ITSN2: variants seen among roughly 807,000 people sequenced by gnomAD.
The protein encoded by ITSN2 is intersectin-2.
ITSN2 carries 156 observed loss-of-function variants against 243.7 expected under a neutral mutation model. The ratio of observed to expected loss-of-function variants is 0.64; its 90% confidence interval spans 0.56 to 0.73. The LOEUF (loss-of-function observed/expected upper bound fraction) is 0.73. ITSN2 is among the 30% of genes least tolerant of loss of function. The probability of loss-of-function intolerance (pLI) is 0.00; values close to 1 mark genes in which losing one functional copy is unlikely to be tolerated. For missense variants in ITSN2, 1,801 were observed against 1,996.1 expected, an observed-to-expected ratio of 0.90 and a Z score of 1.86; for synonymous variants, 703 against 699.9, an observed-to-expected ratio of 1.00 and a Z score of -0.07.
rs552413775 is a variant in ITSN2 at position 24,328,606 on chromosome 2, G to A, written c.-33-491C>T. Among the ~76,000 whole-genome samples the A allele has an allele frequency of 7.9e-5, 12 of 152,162 alleles. 1 individual carries two copies. In the South Asian group the frequency reaches 2.5e-3, roughly 32 times the overall value. On this transcript the variant is annotated intron_variant, in intron 1 of 39. Coordinates refer to ENST00000355123, the MANE Select transcript of ITSN2 (RefSeq NM_006277.3). ...GCCACCTGAGTAGCTGGGACTACAG[G>A]AATGCTCCACCACACCTGGCTAATT...
intron 23 of ITSN2, 80 bp from the exon 24 acceptor site, chr2:24,254,511 GT>G: frequency 9.2e-7 from 1 of 1,081,644 alleles, no homozygotes; most frequent in Non-Finnish European, 1.4e-6. Flanking sequence ...TGCACAGCAG[GT>G]TTTAGTAGTG....
At chr2:24,240,512 T>C (rs1482401133) in intron 29 of ITSN2, 1 of 152,198 alleles carries the variant, frequency 6.6e-6, no homozygotes, top group Non-Finnish European at 1.5e-5. Flanking sequence ...GTGATGTATT[T>C]TGGAACACAG....
At chr2:24,269,869 G>C (rs548258026) in intron 20 of ITSN2, among the ~76,000 whole-genome samples, 2 of 152,316 alleles carry the variant, frequency 1.3e-5, no homozygotes, top group South Asian at 4.1e-4. Context: ...AGCAGACAGT[G>C]GACTTGGGCT....
intron 8 of ITSN2, among the ~76,000 whole-genome samples, chr2:24,305,340 G>A (rs1468924880): frequency 1.3e-5 from 2 of 152,108 alleles, no homozygotes; most frequent in African/African-American, 4.8e-5. Context: ...GGTAGCTCAC[G>A]TCTGTAATCC....
upstream of ITSN2, among the ~76,000 whole-genome samples, chr2:24,360,954 T>G (rs1228610948): frequency 6.6e-6 from 1 of 152,162 alleles, no homozygotes; most frequent in Non-Finnish European, 1.5e-5. Context: ...TCTCCACTGA[T>G]CTGGGGGAAC....
At chr2:24,345,266 T>C (rs1375526912) in intron 1 of ITSN2, among the ~76,000 whole-genome samples, 2 of 152,298 alleles carry the variant, frequency 1.3e-5, no homozygotes, top group East Asian at 3.9e-4. Context: ...TTTTCCCCTA[T>C]GTTTTTATTT....
intron 29 of ITSN2, among the ~76,000 whole-genome samples, chr2:24,233,587 T>C (rs989459741): frequency 3.3e-5 from 5 of 152,136 alleles, no homozygotes; most frequent in African/African-American, 1.2e-4. Context: ...TGGACTTGAG[T>C]TCCAACTCTA....
intron 17 of ITSN2, among the ~76,000 whole-genome samples, chr2:24,276,327 C>T (rs1481011526): frequency 2.6e-5 from 4 of 152,092 alleles, no homozygotes; most frequent in Non-Finnish European, 4.4e-5. Flanking sequence ...AAGATGTCTG[C>T]CTAAAATCAT....
In ITSN2 at chr2:24,205,735, G is replaced by C. The variant is rs188708516; in HGVS notation, c.4679-438C>G. 16 of 177,072 alleles carry C rather than the reference G, an allele frequency of 9.0e-5. No homozygotes were observed. The East Asian group carries it at 2.2e-3, about 24-fold the overall frequency. The allele number at this position is 177,072 out of a possible 1,614,324, so 11.0% of individuals were successfully genotyped here. On this transcript the variant is annotated intron_variant, in intron 37 of 39. Transcript: ENST00000355123. ...TAACCCCTCAATTGCCTAGCAAATAGTAATATTAATAAAATAATACATGGT... is the reference window on the plus strand; with the variant it reads ...TAACCCCTCAATTGCCTAGCAAATACTAATATTAATAAAATAATACATGGT...
Position 24,204,421 on chromosome 2 carries a change from G to T in ITSN2, c.4763-3C>A. On this transcript the variant is annotated splice_region_variant and splice_polypyrimidine_tract_variant and intron_variant, in intron 38 of 39. Coordinates refer to ENST00000355123, the MANE Select transcript of ITSN2 (RefSeq NM_006277.3). The surrounding 1 kb of genome is among the most constrained non-coding windows in gnomAD (Gnocchi z 5.1). Reference sequence around the variant, plus strand: ...TTCACAGTATGGGTTGCTCTTTCCTGAACAAAAACAAACCACAGACACATG... The same window carrying T: ...TTCACAGTATGGGTTGCTCTTTCCTTAACAAAAACAAACCACAGACACATG... The T allele has an allele frequency of 6.2e-7, 1 of 1,614,030 alleles. No individual in the cohort carries two copies. Among genetic ancestry groups the T allele is most frequent in the African/African-American group, 1.3e-5 (1 of 75,024 alleles).
intron 29 of ITSN2, 81 bp from the exon 30 acceptor site, chr2:24,221,147 G>A: frequency 7.0e-7 from 1 of 1,425,022 alleles, no homozygotes; most frequent in African/African-American, 1.5e-5. Context: ...GATGTGCTGG[G>A]TTTACAAATG....
chr2:24,309,520 T>C (rs1385404969), intron 7 of ITSN2, among the ~76,000 whole-genome samples: 2 of 152,160 alleles, frequency 1.3e-5, no homozygotes, highest in Admixed American at 6.5e-5. Flanking sequence ...GCTTTTGCAT[T>C]TTACATTTTT....
chr2:24,272,018 T>A, intron 18 of ITSN2, 77 bp from the exon 19 acceptor site: 1 of 1,226,056 alleles, frequency 8.2e-7, no homozygotes, highest in Non-Finnish European at 1.1e-6. Flanking sequence ...TAAGATCTGG[T>A]TCCTGTCAAG....
In ITSN2 at chr2:24,310,543, GTAA is replaced by G. The variant is rs1231091901; in HGVS notation, c.499_501del (p.Leu167del). 1 of 1,614,128 alleles carries G rather than the reference GTAA, an allele frequency of 6.2e-7. No individual in the cohort carries two copies. Among genetic ancestry groups the G allele is most frequent in the South Asian group, 1.1e-5 (1 of 91,080 alleles). On this transcript the variant is annotated inframe_deletion, in exon 6 of 40. Transcript: ENST00000355123. ...TGAATGAGACTGGCGGTTCCATTTG[GTAA>G]TGATGATGTGCTAACAGAAGGCACT...
In ITSN2 at chr2:24,261,660, A is replaced by G. The variant is rs766350770; in HGVS notation, c.2438T>C (p.Val813Ala). 5.2e-5 allele frequency: 84 copies of G among 1,613,174 alleles called. No homozygotes were observed. In the East Asian group the frequency reaches 1.2e-3, roughly 24 times the overall value. Residue 813 changes from valine (V) to alanine (A), a missense_variant, in exon 21 of 40, where the codon GTA (valine) becomes GCA (alanine). Val to Ala is a moderately conservative substitution (Grantham distance 64). Coordinates refer to ENST00000355123, the MANE Select transcript of ITSN2 (RefSeq NM_006277.3). ...ATTTTCACTTGATGGCATTTTTTCT[A>G]CATAATTGCATGGAAACCAGCCAAA... ...GNFGWFPCNY[V>A]EKMPSSENEK...
At chr2:24,224,897 TG>T (rs1467284760) in intron 29 of ITSN2, among the ~76,000 whole-genome samples, 1 of 152,242 alleles carries the variant, frequency 6.6e-6, no homozygotes, top group Non-Finnish European at 1.5e-5. Flanking sequence ...CTCGAAGTGC[TG>T]GGATTACAGG....
intron 12 of ITSN2, among the ~76,000 whole-genome samples, chr2:24,299,137 C>G (rs993120277): frequency 6.6e-6 from 1 of 150,840 alleles, no homozygotes; most frequent in South Asian, 2.1e-4. Flanking sequence ...TCAAGCGATT[C>G]TCCTGCCTCA....
At chr2:24,352,678 C>CA in intron 1 of ITSN2, among the ~76,000 whole-genome samples, 1 of 152,098 alleles carries the variant, frequency 6.6e-6, no homozygotes, top group East Asian at 1.9e-4. Flanking sequence ...ACCAATAAGC[C>CA]AGGAGACATA....
At chr2:24,243,488 T>C (rs1418332875) in intron 29 of ITSN2, among the ~76,000 whole-genome samples, 1 of 151,968 alleles carries the variant, frequency 6.6e-6, no homozygotes, top group Non-Finnish European at 1.5e-5. Flanking sequence ...TTTTAATCTT[T>C]CAATATTTCC....
Sources: gnomAD v4.1 joint callset for allele counts (sites outside exome capture counted in the v4.1 genomes callset) on GRCh38, gnomAD v4.1.1 for gene constraint, Gnocchi (gnomAD v3.1) non-coding constraint, MANE v1.5 for transcripts, NCBI Gene and HGNC (gene_info 2026-07-23, HGNC 2026-07-21) for gene names.